The following GLMN variants were observed in gnomAD, a reference collection of about 807,000 sequenced individuals.
The protein encoded by GLMN is glomulin, FKBP associated protein.
In GLMN, 75 loss-of-function variants were observed where a neutral mutation model predicts 87.8. The observed-to-expected ratio is 0.85, with a 90% CI of 0.71 to 1.04. GLMN has a LOEUF of 1.04. Among genes scored for constraint, GLMN ranks in the 50% least tolerant of loss-of-function variants. The pLI, the probability that GLMN is intolerant of heterozygous loss-of-function variation, is 0.00. For synonymous variants in GLMN, 206 were observed against 221.6 expected (o/e 0.93, Z 0.63); for missense variants, 588 against 658.8 (o/e 0.89, Z 1.18).
chr1:92,309,536 C>CACACAT, the GLMN span, among the ~76,000 whole-genome samples: 93 of 151,008 alleles, frequency 6.2e-4, no homozygotes, highest in Middle Eastern at 3.4e-3. Context: ...TGGCAGGCTA[C>CACACAT]ACACATACAC....
At chr1:92,300,332 T>G (rs1478842352), upstream of GLMN, 2 of 1,009,804 alleles carry the variant, frequency 2.0e-6, no homozygotes, top group Non-Finnish European at 3.0e-6. Flanking sequence ...CCTTTTTTTT[T>G]TTAGAGAAAA....
At chr1:92,289,881 T>C (rs1225904160) in intron 5 of GLMN, among the ~76,000 whole-genome samples, 1 of 152,158 alleles carries the variant, frequency 6.6e-6, no homozygotes, top group African/African-American at 2.4e-5. Flanking sequence ...GAGGTAACCC[T>C]TGAAACATGT....
the GLMN span, among the ~76,000 whole-genome samples, chr1:92,334,183 T>G: frequency 6.6e-6 from 1 of 152,190 alleles, no homozygotes; most frequent in Non-Finnish European, 1.5e-5. Flanking sequence ...TTGTAGCAGT[T>G]TGAAAATACA....
At chr1:92,255,156 A>G (rs1654051540) in intron 16 of GLMN, among the ~76,000 whole-genome samples, 1 of 152,196 alleles carries the variant, frequency 6.6e-6, no homozygotes, top group Non-Finnish European at 1.5e-5. Context: ...ATCAAAAAAG[A>G]CAAAGAAGGG....
chr1:92,344,706 A>G, the GLMN span, among the ~76,000 whole-genome samples: 1 of 152,148 alleles, frequency 6.6e-6, no homozygotes, highest in African/African-American at 2.4e-5. Context: ...TCACATCAAC[A>G]GTGTGTTAAA....
chr1:92,288,457 C>T (rs1034760910), intron 6 of GLMN, among the ~76,000 whole-genome samples: 1 of 152,104 alleles, frequency 6.6e-6, no homozygotes, highest in African/African-American at 2.4e-5. Context: ...AAGACAGGGT[C>T]TTGCTCTGTT....
At chr1:92,360,542 C>T in the GLMN span, among the ~76,000 whole-genome samples, 1 of 152,046 alleles carries the variant, frequency 6.6e-6, no homozygotes, top group Non-Finnish European at 1.5e-5. Context: ...GGGAAGGAGA[C>T]GTTAGACAGG....
At chr1:92,355,556 G>A in the GLMN span, among the ~76,000 whole-genome samples, 1 of 152,172 alleles carries the variant, frequency 6.6e-6, no homozygotes, top group Non-Finnish European at 1.5e-5. Context: ...TCCATCATAA[G>A]CTTGGCAGGG....
At chr1:92,333,389 A>AT in the GLMN span, 1 of 1,610,136 alleles carries the variant, frequency 6.2e-7, no homozygotes. Context: ...AATGTGATTC[A>AT]GCATGATTCC....
intron 7 of GLMN, among the ~76,000 whole-genome samples, chr1:92,273,561 T>G (rs903115340): frequency 1.3e-5 from 2 of 149,094 alleles, no homozygotes; most frequent in Non-Finnish European, 3.0e-5. Flanking sequence ...TCCACCCTCC[T>G]CAGTCTCCTG....
At chr1:92,246,854 G>A (rs747869141) in intron 18 of GLMN, among the ~76,000 whole-genome samples, 1 of 152,086 alleles carries the variant, frequency 6.6e-6, no homozygotes, top group Non-Finnish European at 1.5e-5. Flanking sequence ...AACATAGTGA[G>A]ACCCTATCTC....
the GLMN span, among the ~76,000 whole-genome samples, chr1:92,360,034 A>G: frequency 2.0e-5 from 3 of 152,220 alleles, no homozygotes; most frequent in East Asian, 3.8e-4. Flanking sequence ...AACGGAAGAA[A>G]TAGGCTCTGT....
At chr1:92,265,141 G>A (rs142273244) in intron 13 of GLMN, among the ~76,000 whole-genome samples, 26 of 152,066 alleles carry the variant, frequency 1.7e-4, no homozygotes, top group East Asian at 1.2e-3. Flanking sequence ...ACACCCGGCC[G>A]GTAAATACTT....
chr1:92,317,557 A>G, the GLMN span, among the ~76,000 whole-genome samples: 2 of 152,204 alleles, frequency 1.3e-5, no homozygotes, highest in South Asian at 4.1e-4. Context: ...GATTAAATGA[A>G]ATAATGTGTA....
the GLMN span, among the ~76,000 whole-genome samples, chr1:92,314,377 G>A: frequency 6.7e-6 from 1 of 148,628 alleles, no homozygotes; most frequent in South Asian, 2.1e-4. Context: ...ATTTAGTAGT[G>A]CATTTTATTT....
chr1:92,271,596 C>G lies in GLMN; in HGVS notation c.792G>C (p.Arg264Ser). Reference sequence around the variant, plus strand: ...CAAGGTAATTCCAAGTTCTCTTTTTCCTTCCATGATTAAAAATCATTTTGG... The same window carrying G: ...CAAGGTAATTCCAAGTTCTCTTTTTGCTTCCATGATTAAAAATCATTTTGG... ...PFPKMIFNHG[R>S]KKRTWNYLEF... The change falls in exon 8 of 19, where the codon AGG becomes AGC. Residue 264 changes from arginine to serine, a missense_variant. By Grantham distance (110) the Arg-to-Ser change is moderately radical (BLOSUM62 -1). Transcript: ENST00000370360. 6.2e-7 allele frequency: 1 copy of G among 1,612,252 alleles called. No individual in the cohort carries two copies. Among genetic ancestry groups the G allele is most frequent in the African/African-American group, 1.3e-5 (1 of 74,854 alleles).
chr1:92,312,175 G>T, the GLMN span, among the ~76,000 whole-genome samples: 1 of 152,148 alleles, frequency 6.6e-6, no homozygotes, highest in Admixed American at 6.5e-5. Context: ...TTGTTGCGGG[G>T]CAAGGCAGGA....
At chr1:92,366,405 C>G in the GLMN span, among the ~76,000 whole-genome samples, 1 of 152,162 alleles carries the variant, frequency 6.6e-6, no homozygotes, top group Admixed American at 6.6e-5. Flanking sequence ...TCAATAACAG[C>G]AGTTTAGCAA....
At chr1:92,309,142 A>G in the GLMN span, among the ~76,000 whole-genome samples, 1 of 151,786 alleles carries the variant, frequency 6.6e-6, no homozygotes, top group African/African-American at 2.4e-5. Flanking sequence ...ACTAAAAAAG[A>G]AAGATGAAAA....
Sources: allele counts gnomAD v4.1 joint callset (sites outside exome capture counted in the v4.1 genomes callset), GRCh38; gene constraint gnomAD v4.1.1; transcripts MANE v1.5; gene names NCBI Gene and HGNC (gene_info 2026-07-23, HGNC 2026-07-21).